Variants in CAMTA1 observed in about 807,000 individuals in gnomAD.
The protein encoded by CAMTA1 is calmodulin-binding transcription activator 1.
A neutral mutation model predicts 170.9 loss-of-function variants in CAMTA1; 27 were observed. That is an observed-to-expected ratio of 0.16 (90% CI 0.12 to 0.22). The LOEUF is 0.22. Among genes scored for constraint, CAMTA1 ranks in the 10% least tolerant of loss-of-function variants. The probability of loss-of-function intolerance (pLI) is 1.00; values close to 1 mark genes in which losing one functional copy is unlikely to be tolerated. For synonymous variants in CAMTA1, 833 were observed against 891.5 expected (o/e 0.93, Z 1.17); for missense variants, 1,619 against 2,217.2 (o/e 0.73, Z 5.42).
At chr1:7,222,753 T>G (rs1298857626) in intron 4 of CAMTA1, among the ~76,000 whole-genome samples, 1 of 152,258 alleles carries the variant, frequency 6.6e-6, no homozygotes, top group Non-Finnish European at 1.5e-5. Flanking sequence ...GGCCAGAGGA[T>G]GCCCATTGGT....
Position 7,748,575 on chromosome 1 carries a change from G to T in CAMTA1, c.4689+794G>T, listed in dbSNP as rs763241429. On this transcript the variant is annotated intron_variant, in intron 19 of 22. Transcript: ENST00000303635. This position sits in a 1 kb window ranked among gnomAD's most constrained non-coding sequence, Gnocchi z 4.7. ...TTTGATAAACTCCCTAGTAATTAGA[G>T]AACTGTAGGGAATCCAGGGTGTGAT... Among the ~76,000 whole-genome samples, 1 of 152,204 alleles carries T rather than the reference G, an allele frequency of 6.6e-6. No individual in the cohort carries two copies. Among genetic ancestry groups the T allele is most frequent in the Non-Finnish European group, 1.5e-5 (1 of 68,034 alleles).
At chr1:7,745,178 C>G (rs2096848312) in intron 17 of CAMTA1, among the ~76,000 whole-genome samples, 156 bp downstream of exon 17, 1 of 152,086 alleles carries the variant, frequency 6.6e-6, no homozygotes, top group South Asian at 2.1e-4. Flanking sequence ...CTTTCAAGGC[C>G]CAGCTCCTAT....
intron 3 of CAMTA1, among the ~76,000 whole-genome samples, chr1:6,943,165 GCCCTCCTC>G (rs1217926239): frequency 6.6e-6 from 1 of 151,698 alleles, no homozygotes; most frequent in South Asian, 2.1e-4. Context: ...AGCCACTCCG[GCCCTCCTC>G]CCCTCCTCCC....
At chr1:7,601,309 C>A (rs937742655) in intron 6 of CAMTA1, among the ~76,000 whole-genome samples, 1 of 150,712 alleles carries the variant, frequency 6.6e-6, no homozygotes, top group Admixed American at 6.6e-5. Context: ...TCAGACGGTG[C>A]GGCCGGGCAG....
At chr1:6,912,160 C>T (rs1008903168) in intron 3 of CAMTA1, among the ~76,000 whole-genome samples, 3 of 152,180 alleles carry the variant, frequency 2.0e-5, no homozygotes, top group Non-Finnish European at 4.4e-5. Flanking sequence ...ACTTTTGCAG[C>T]TCAATTGCTT....
intron 3 of CAMTA1, among the ~76,000 whole-genome samples, chr1:7,054,168 A>G (rs1456666482): frequency 6.6e-6 from 1 of 152,210 alleles, no homozygotes; most frequent in Non-Finnish European, 1.5e-5. Flanking sequence ...CTGGGAGACC[A>G]GCAGGGGCTG....
At position 7,002,688 on chromosome 1, in the gene CAMTA1, C is replaced by T. The variant is rs141962970; in HGVS notation, c.235-88616C>T. On this transcript the variant is annotated intron_variant, in intron 3 of 22. Transcript: ENST00000303635. Reference sequence around the variant, plus strand: ...AGTTACTCAACCGACAGTGCATCTCCTTGATTGTACTACCATCTAGCCCAT... The same window carrying T: ...AGTTACTCAACCGACAGTGCATCTCTTTGATTGTACTACCATCTAGCCCAT... Among the ~76,000 whole-genome samples, 759 of 152,300 alleles carry T rather than the reference C, an allele frequency of 5.0e-3. 12 individuals carry two copies. The highest frequency in any genetic ancestry group is 0.017 in the African/African-American group (711 of 41,564).
chr1:6,858,750 G>A (rs1469245827), intron 3 of CAMTA1, among the ~76,000 whole-genome samples: 1 of 152,076 alleles, frequency 6.6e-6, no homozygotes, highest in African/African-American at 2.4e-5. Context: ...TCTATTTGCT[G>A]AGTCTTATGC....
At position 7,664,296 on chromosome 1, in the gene CAMTA1, G is replaced by A. The variant is rs1308615560; in HGVS notation, c.1749G>A (p.Gln583=). The A allele has an allele frequency of 1.2e-6, 2 of 1,613,142 alleles. No homozygotes were observed. Among genetic ancestry groups the A allele is most frequent in the Non-Finnish European group, 1.7e-6 (2 of 1,179,996 alleles). The change falls in exon 9 of 23, where the codon CAG becomes CAA. Residue 583 remains glutamine, a synonymous_variant. Coordinates refer to ENST00000303635, the MANE Select transcript of CAMTA1 (RefSeq NM_015215.4). ...GGLSPSTTLE[Q]MDFSAIDSNK... ...TGAGTCCCAGCACCACCCTGGAGCA[G>A]ATGGACTTCAGCGCCATCGACTCCA...
chr1:7,114,047 C>T (rs766509393), intron 4 of CAMTA1, among the ~76,000 whole-genome samples: 19 of 152,206 alleles, frequency 1.2e-4, no homozygotes, highest in African/African-American at 4.3e-4. Flanking sequence ...GGGCCCACCC[C>T]CCATCCTCTC....
chr1:7,101,645 C>T (rs1642714977), intron 4 of CAMTA1, among the ~76,000 whole-genome samples: 1 of 152,258 alleles, frequency 6.6e-6, no homozygotes, highest in Non-Finnish European at 1.5e-5. Flanking sequence ...TGTGAGCTTA[C>T]ACACATGTAT....
intron 3 of CAMTA1, among the ~76,000 whole-genome samples, chr1:6,893,107 C>T (rs115225023): frequency 4.0e-5 from 6 of 151,872 alleles, no homozygotes; most frequent in South Asian, 2.1e-4. Flanking sequence ...TGGTGAAGCC[C>T]TCATCTCTAC....
chr1:7,684,923 T>A (rs952856921), intron 11 of CAMTA1, among the ~76,000 whole-genome samples: 5 of 152,166 alleles, frequency 3.3e-5, no homozygotes, highest in African/African-American at 1.2e-4. Context: ...GGGTTTGTTG[T>A]GCACGGGGTT....
intron 9 of CAMTA1, among the ~76,000 whole-genome samples, chr1:7,668,436 C>CA (rs2096023047): frequency 5.2e-5 from 7 of 135,666 alleles, no homozygotes; most frequent in African/African-American, 8.7e-5. Flanking sequence ...CACACACCCA[C>CA]CACACACCCC....
At chr1:7,762,184 AT>A (rs1488898803) in intron 22 of CAMTA1, among the ~76,000 whole-genome samples, 1 of 152,218 alleles carries the variant, frequency 6.6e-6, no homozygotes, top group Non-Finnish European at 1.5e-5. Context: ...AGGAATAATT[AT>A]TATTACAAAA....
At chr1:7,240,319 C>A (rs889951379) in intron 4 of CAMTA1, among the ~76,000 whole-genome samples, 1 of 152,022 alleles carries the variant, frequency 6.6e-6, no homozygotes, top group Non-Finnish European at 1.5e-5. Flanking sequence ...TTCTCCTTTT[C>A]TTTTTTTATT....
At chr1:7,459,493 T>C (rs2093033669) in intron 5 of CAMTA1, among the ~76,000 whole-genome samples, 1 of 152,210 alleles carries the variant, frequency 6.6e-6, no homozygotes, top group Admixed American at 6.5e-5. Flanking sequence ...CACTCCCACC[T>C]GCTCTTTGAG....
chr1:7,619,303 G>A (rs74053112), intron 6 of CAMTA1, among the ~76,000 whole-genome samples: 2,935 of 152,290 alleles, frequency 0.019, 86 homozygotes, highest in African/African-American at 0.067. Context: ...GAGAGAGTGC[G>A]AACTGCAGGG....
At position 6,801,485 on chromosome 1, in the gene CAMTA1, C is replaced by T. The variant is rs1193518587; in HGVS notation, c.45+15910C>T. Among the ~76,000 whole-genome samples the T allele has an allele frequency of 2.0e-5, 3 of 151,900 alleles. No homozygotes were observed. In the East Asian group the frequency reaches 5.8e-4, roughly 29 times the overall value. On this transcript the variant is annotated intron_variant, in intron 1 of 22. Transcript: ENST00000303635. ...TCCTGCCACTGATGAGGCTCCTGGC[C>T]CTTGTCATTTGATGAGGGAACATAA...
Sources: allele counts gnomAD v4.1 joint callset (sites outside exome capture counted in the v4.1 genomes callset), GRCh38; gene constraint gnomAD v4.1.1; non-coding constraint Gnocchi (gnomAD v3.1); transcripts MANE v1.5; gene names NCBI Gene and HGNC (gene_info 2026-07-23, HGNC 2026-07-21).